Variants in COL26A1 observed in about 807,000 individuals in gnomAD.
The protein encoded by COL26A1 is collagen type XXVI alpha 1 chain, also known as collagen alpha-1(XXVI) chain.
Under a neutral mutation model 59.3 loss-of-function variants are expected in COL26A1, and 41 were observed. The observed-to-expected ratio is 0.69, with a 90% confidence interval of 0.54 to 0.90. The LOEUF (loss-of-function observed/expected upper bound fraction) is 0.90. COL26A1 is among the 40% of genes least tolerant of loss of function. COL26A1 has a pLI of 0.00. For synonymous variants in COL26A1, 266 were observed against 256.0 expected, an observed-to-expected ratio of 1.04 and a Z score of -0.37; for missense variants, 612 against 602.3, an observed-to-expected ratio of 1.02 and a Z score of -0.17.
chr7:101,372,306 C>T (rs1028568608), intron 1 of COL26A1, among the ~76,000 whole-genome samples: 1 of 152,094 alleles, frequency 6.6e-6, no homozygotes, highest in East Asian at 1.9e-4. Context: ...GCTGGGATTA[C>T]AGGCGCCCAC....
At chr7:101,533,339 G>A (rs923717516) in intron 4 of COL26A1, among the ~76,000 whole-genome samples, 196 bp downstream of exon 4, 10 of 152,118 alleles carry the variant, frequency 6.6e-5, no homozygotes, top group South Asian at 2.1e-4. Context: ...GGGCTGGGAG[G>A]TCCCGGGCAG....
intron 3 of COL26A1, among the ~76,000 whole-genome samples, chr7:101,525,257 C>G (rs990687335): frequency 7.5e-6 from 1 of 133,816 alleles, no homozygotes; most frequent in African/African-American, 2.8e-5. Context: ...TCTCAGCTCT[C>G]TACAACCTCT....
intron 2 of COL26A1, among the ~76,000 whole-genome samples, chr7:101,425,983 C>T (rs1244966291): frequency 6.6e-6 from 1 of 151,858 alleles, no homozygotes; most frequent in East Asian, 1.9e-4. Context: ...TGTGCCACCA[C>T]ACCTGGCTAA....
chr7:101,506,367 A>G (rs1794812788), intron 3 of COL26A1, among the ~76,000 whole-genome samples: 1 of 152,214 alleles, frequency 6.6e-6, no homozygotes, highest in South Asian at 2.1e-4. Flanking sequence ...ACTTTGTAAC[A>G]TGCTTTATTT....
At chr7:101,387,849 A>C (rs11982690) in intron 1 of COL26A1, among the ~76,000 whole-genome samples, 3,232 of 147,232 alleles carry the variant, frequency 0.022, 139 homozygotes, top group African/African-American at 0.077. Flanking sequence ...GACTCACTGC[A>C]ACCTCCATCT....
intron 1 of COL26A1, among the ~76,000 whole-genome samples, chr7:101,382,519 C>G (rs1191601405): frequency 6.6e-6 from 1 of 152,184 alleles, no homozygotes. Flanking sequence ...TTCTACTGAA[C>G]TCTATCTGGT....
chr7:101,386,579 G>C (rs377555101), intron 1 of COL26A1, among the ~76,000 whole-genome samples: 1 of 152,096 alleles, frequency 6.6e-6, no homozygotes, highest in East Asian at 1.9e-4. Flanking sequence ...TGTCCCAGAA[G>C]GTTATGTCTG....
At chr7:101,399,235 G>T (rs1004590985) in intron 1 of COL26A1, among the ~76,000 whole-genome samples, 1 of 152,076 alleles carries the variant, frequency 6.6e-6, no homozygotes, top group African/African-American at 2.4e-5. Flanking sequence ...GAGCCCAGGA[G>T]GTCAAGGCAA....
At chr7:101,540,376 A>G (rs905218856) in intron 5 of COL26A1, among the ~76,000 whole-genome samples, 1 of 149,922 alleles carries the variant, frequency 6.7e-6, no homozygotes, top group East Asian at 2.0e-4. Flanking sequence ...TGTCTCTACT[A>G]AAAATACAAA....
chr7:101,534,644 C>A (rs1795441643), intron 4 of COL26A1, among the ~76,000 whole-genome samples: 1 of 120,968 alleles, frequency 8.3e-6, no homozygotes, highest in African/African-American at 4.1e-5. Context: ...TCAATGGGCA[C>A]ACATACATAT....
chr7:101,470,066 A>C (rs1364801081), intron 3 of COL26A1, among the ~76,000 whole-genome samples: 5 of 151,870 alleles, frequency 3.3e-5, no homozygotes, highest in Admixed American at 3.3e-4. Flanking sequence ...TCTCTGCTGC[A>C]GAGAGAGGGG....
At position 101,483,990 on chromosome 7, in the gene COL26A1, AGTGTGTGT is replaced by A. The variant is rs55863250; in HGVS notation, c.385+36240_385+36247del. On this transcript the variant is annotated intron_variant, in intron 3 of 12. Coordinates refer to ENST00000313669, the MANE Select transcript of COL26A1 (RefSeq NM_001278563.3). ...CACCTGGCCCCAGCTAACTTTTTAAAGTGTGTGTGTGTGTGTGTGTGTGTGTGTGTGTG... is the reference window on the plus strand; with the variant it reads ...CACCTGGCCCCAGCTAACTTTTTAAAGTGTGTGTGTGTGTGTGTGTGTGTG... Among the ~76,000 whole-genome samples the A allele has an allele frequency of 4.0e-3, 512 of 127,990 alleles. 4 individuals carry two copies. The highest frequency in any genetic ancestry group is 0.013 in the African/African-American group (430 of 33,512). The allele number at this position is 127,990 out of a possible 152,430, so 84.0% of individuals were successfully genotyped here.
At chr7:101,430,882 C>T (rs139108180) in intron 2 of COL26A1, among the ~76,000 whole-genome samples, 2,684 of 151,862 alleles carry the variant, frequency 0.018, 75 homozygotes, top group African/African-American at 0.062. Context: ...GCAACCTCAC[C>T]TCCCGGGTTC....
At chr7:101,549,526 G>A (rs934296929) in intron 9 of COL26A1, among the ~76,000 whole-genome samples, 2 of 152,042 alleles carry the variant, frequency 1.3e-5, no homozygotes, top group South Asian at 4.2e-4. Context: ...GACCACAGGC[G>A]CACGCCACCA....
At chr7:101,441,527 A>T (rs1265202807) in intron 2 of COL26A1, among the ~76,000 whole-genome samples, 1 of 152,158 alleles carries the variant, frequency 6.6e-6, no homozygotes, top group Non-Finnish European at 1.5e-5. Context: ...CATGTTGGCC[A>T]GGCTGGTCTC....
chr7:101,406,955 AAAAC>A (rs149130113), intron 1 of COL26A1, among the ~76,000 whole-genome samples: 26,604 of 151,948 alleles, frequency 0.18, 2,750 homozygotes, highest in Non-Finnish European at 0.23. Context: ...GTCCCTGTAA[AAAAC>A]AAACAAGAAA....
At chr7:101,497,382 T>C (rs1474471864) in intron 3 of COL26A1, among the ~76,000 whole-genome samples, 1 of 151,712 alleles carries the variant, frequency 6.6e-6, no homozygotes, top group Non-Finnish European at 1.5e-5. Flanking sequence ...CTCTTAAAGG[T>C]ATTTAACCCT....
intron 3 of COL26A1, among the ~76,000 whole-genome samples, chr7:101,499,933 G>A (rs1054494176): frequency 1.6e-4 from 24 of 149,018 alleles, no homozygotes; most frequent in African/African-American, 6.0e-4. Flanking sequence ...CCTTTAAAAT[G>A]TATTCAGGCA....
intron 12 of COL26A1, among the ~76,000 whole-genome samples, chr7:101,556,810 GTGAA>G (rs1451506468): frequency 1.3e-5 from 2 of 151,708 alleles, no homozygotes; most frequent in Non-Finnish European, 2.9e-5. Context: ...GAATAAGTGA[GTGAA>G]TGGATGGATG....
Sources: gnomAD v4.1 joint callset for allele counts (sites outside exome capture counted in the v4.1 genomes callset) on GRCh38, gnomAD v4.1.1 for gene constraint, MANE v1.5 for transcripts, NCBI Gene and HGNC (gene_info 2026-07-23, HGNC 2026-07-21) for gene names.